Variants in SHISA6 observed in about 807,000 individuals in gnomAD.
SHISA6 encodes the protein protein shisa-6.
Under a neutral mutation model 47.9 loss-of-function variants are expected in SHISA6, and 22 were observed. The ratio of observed to expected loss-of-function variants is 0.46; its 90% confidence interval spans 0.33 to 0.66. The LOEUF (loss-of-function observed/expected upper bound fraction) is 0.66, where lower values mean the gene tolerates loss of function less well. Among genes scored for constraint, SHISA6 ranks in the 30% least tolerant of loss-of-function variants. The probability of loss-of-function intolerance (pLI) is 0.02; values close to 1 mark genes in which losing one functional copy is unlikely to be tolerated. For missense variants in SHISA6, 680 were observed against 764.6 expected, an observed-to-expected ratio of 0.89 and a Z score of 1.30; for synonymous variants, 388 against 337.8, an observed-to-expected ratio of 1.15 and a Z score of -1.63.
chr17:11,275,379 CA>C (rs1482794253), intron 2 of SHISA6, among the ~76,000 whole-genome samples: 1 of 152,050 alleles, frequency 6.6e-6, no homozygotes, highest in East Asian at 1.9e-4. Context: ...TCATTAGCAG[CA>C]CCTTGAGAGC....
chr17:11,402,962 T>G (rs1913828614), intron 3 of SHISA6, among the ~76,000 whole-genome samples: 1 of 152,210 alleles, frequency 6.6e-6, no homozygotes, highest in South Asian at 2.1e-4. Context: ...TGGAACCTTC[T>G]GCAATGGCTG....
intron 2 of SHISA6, among the ~76,000 whole-genome samples, chr17:11,290,984 TAATA>T (rs773935803): frequency 7.5e-4 from 113 of 151,290 alleles, no homozygotes; most frequent in Non-Finnish European, 1.5e-3. Context: ...ATTAATTTAA[TAATA>T]AATTTATTAA....
chr17:11,396,624 C>G (rs534220979), intron 3 of SHISA6, among the ~76,000 whole-genome samples: 23 of 152,242 alleles, frequency 1.5e-4, no homozygotes, highest in Admixed American at 1.4e-3. Context: ...AAGCGTTCCT[C>G]AACAAACTAA....
intron 2 of SHISA6, among the ~76,000 whole-genome samples, chr17:11,356,812 T>C (rs1341268556): frequency 1.3e-5 from 2 of 152,102 alleles, no homozygotes; most frequent in Non-Finnish European, 2.9e-5. Context: ...TCTAAAGCCA[T>C]GTGAGGATCT....
chr17:11,549,368 A>T (rs2071910531), intron 3 of SHISA6, among the ~76,000 whole-genome samples: 2 of 152,250 alleles, frequency 1.3e-5, no homozygotes, highest in Admixed American at 6.5e-5. Flanking sequence ...AGATTCAAAC[A>T]AAAGGAAAAG....
At chr17:11,490,987 C>CTG (rs147876964) in intron 3 of SHISA6, among the ~76,000 whole-genome samples, 5 of 152,078 alleles carry the variant, frequency 3.3e-5, no homozygotes, top group Non-Finnish European at 7.4e-5. Context: ...GGGCTCTTGC[C>CTG]CAATCTCAGC....
At chr17:11,517,550 TG>T (rs1238688335) in intron 3 of SHISA6, among the ~76,000 whole-genome samples, 1 of 152,220 alleles carries the variant, frequency 6.6e-6, no homozygotes, top group Non-Finnish European at 1.5e-5. Flanking sequence ...TCACCCAGGC[TG>T]GAGTGCAGTG....
chr17:11,359,031 C>T (rs558151733), intron 2 of SHISA6, among the ~76,000 whole-genome samples: 5 of 152,256 alleles, frequency 3.3e-5, no homozygotes, highest in Middle Eastern at 3.4e-3. Context: ...TTTATCCATT[C>T]ATTCATTGAT....
intron 3 of SHISA6, among the ~76,000 whole-genome samples, chr17:11,480,130 ATGGTTTC>A (rs1445695532): frequency 3.3e-5 from 5 of 152,086 alleles, no homozygotes; most frequent in African/African-American, 1.2e-4. Flanking sequence ...TCTTGCTTGC[ATGGTTTC>A]TGAGAAGTCA....
chr17:11,340,663 T>C (rs971500434), intron 2 of SHISA6, among the ~76,000 whole-genome samples: 1 of 152,178 alleles, frequency 6.6e-6, no homozygotes, highest in Non-Finnish European at 1.5e-5. Flanking sequence ...GCAGACAGTC[T>C]GGCCCAGGAA....
intron 3 of SHISA6, among the ~76,000 whole-genome samples, chr17:11,551,283 T>G (rs2071929965): frequency 6.6e-6 from 1 of 152,182 alleles, no homozygotes; most frequent in African/African-American, 2.4e-5. Flanking sequence ...AAGTGGAATA[T>G]TATTAATAAA....
intron 5 of SHISA6, among the ~76,000 whole-genome samples, chr17:11,557,098 T>C (rs1452236856): frequency 6.6e-6 from 1 of 152,196 alleles, no homozygotes; most frequent in Non-Finnish European, 1.5e-5. Context: ...GCTGATTATG[T>C]GGCTGTGTGG....
intron 2 of SHISA6, among the ~76,000 whole-genome samples, chr17:11,278,427 C>G (rs568596196): frequency 6.6e-6 from 1 of 152,348 alleles, no homozygotes. Context: ...TCTGGACTCT[C>G]CTGTCCTGTG....
chr17:11,436,779 T>C (rs1567605694), intron 3 of SHISA6, among the ~76,000 whole-genome samples: 1 of 152,230 alleles, frequency 6.6e-6, no homozygotes, highest in South Asian at 2.1e-4. Flanking sequence ...TTCGTTGTTT[T>C]AGTAAAGCAT....
chr17:11,463,958 C>T (rs1915751925), intron 3 of SHISA6, among the ~76,000 whole-genome samples: 1 of 152,048 alleles, frequency 6.6e-6, no homozygotes, highest in Non-Finnish European at 1.5e-5. Flanking sequence ...GTTCTGTCAC[C>T]CAGGCTGGAG....
At chr17:11,243,826 C>G (rs182716824) in intron 1 of SHISA6, among the ~76,000 whole-genome samples, 2 of 152,142 alleles carry the variant, frequency 1.3e-5, no homozygotes, top group African/African-American at 4.8e-5. Context: ...GCCGCTTGCT[C>G]GTTGATTCCT....
At chr17:11,247,576 A>G (rs10521180) in intron 1 of SHISA6, among the ~76,000 whole-genome samples, 6,208 of 152,140 alleles carry the variant, frequency 0.041, 400 homozygotes, top group African/African-American at 0.14. Flanking sequence ...GATGGTTTCA[A>G]TTTACAAGCA....
chr17:11,487,738 A>G (rs9906902), intron 3 of SHISA6, among the ~76,000 whole-genome samples: 90 of 152,278 alleles, frequency 5.9e-4, no homozygotes, highest in African/African-American at 2.0e-3. Flanking sequence ...CAGTCTGTCA[A>G]TCTCTTTTGA....
chr17:11,515,174 A>G (rs1231894322), intron 3 of SHISA6, among the ~76,000 whole-genome samples: 1 of 151,710 alleles, frequency 6.6e-6, no homozygotes, highest in African/African-American at 2.4e-5. Flanking sequence ...GAACCCTTAG[A>G]AAATGCTCCA....
Sources: gnomAD v4.1 joint callset for allele counts (sites outside exome capture counted in the v4.1 genomes callset) on GRCh38, gnomAD v4.1.1 for gene constraint, MANE v1.5 for transcripts, NCBI Gene and HGNC (gene_info 2026-07-23, HGNC 2026-07-21) for gene names.